The following CCDC167 variants were observed in gnomAD, a reference collection of about 807,000 sequenced individuals.
CCDC167 encodes coiled-coil domain-containing protein 167.
In CCDC167, 15 loss-of-function variants were observed where a neutral mutation model predicts 12.7. That is an observed-to-expected ratio of 1.18 (90% CI 0.79 to 1.81). CCDC167 has a LOEUF of 1.81. CCDC167 is among the 40% of genes most tolerant of loss of function. CCDC167 has a pLI of 0.00. For missense variants in CCDC167, 121 were observed against 120.1 expected, an observed-to-expected ratio of 1.01 and a Z score of -0.03; for synonymous variants, 52 against 49.0, an observed-to-expected ratio of 1.06 and a Z score of -0.26.
intron 1 of CCDC167, among the ~76,000 whole-genome samples, chr6:37,494,820 T>TTTTTTTTC (rs1762077506): frequency 6.7e-6 from 1 of 150,286 alleles, no homozygotes; most frequent in South Asian, 2.1e-4. Context: ...TTTTTTTTTT[T>TTTTTTTTC]TGAGACGGGG....
chr6:37,494,343 G>A lies in CCDC167; in HGVS notation c.42+5479C>T, dbSNP rs183556760. ...CTCCCAAAGTGTTGGGATTACAGGC[G>A]TGAGCCACCGCACCCAGCCGATCCT... On this transcript the variant is annotated intron_variant, in intron 1 of 3. Transcript: ENST00000373408. Among the ~76,000 whole-genome samples the A allele has an allele frequency of 3.4e-4, 52 of 152,272 alleles. 1 individual carries two copies. In the East Asian group the frequency reaches 6.0e-3, roughly 18 times the overall value.
intron 1 of CCDC167, among the ~76,000 whole-genome samples, chr6:37,494,282 C>T (rs890818323): frequency 2.0e-5 from 3 of 152,180 alleles, no homozygotes; most frequent in African/African-American, 7.2e-5. Context: ...AGGCTGGTCT[C>T]GAACTCGTGA....
At chr6:37,483,316 A>C (rs754397246) in intron 3 of CCDC167, 27 bp from the exon 4 acceptor site, 8 of 1,536,134 alleles carry the variant, frequency 5.2e-6, no homozygotes, top group Non-Finnish European at 7.2e-6. Flanking sequence ...TGATAGGGAT[A>C]GGACAGGCAG....
At chr6:37,489,073 TA>T (rs1252483108) in intron 1 of CCDC167, among the ~76,000 whole-genome samples, 1 of 151,974 alleles carries the variant, frequency 6.6e-6, no homozygotes, top group Non-Finnish European at 1.5e-5. Flanking sequence ...CTGTCTCTAC[TA>T]AAAATACAAA....
rs568093346 is a variant in CCDC167, at chr6:37,499,774, A to G, written c.42+48T>C. ...CCAGCCTATCCCTTATCCCGCGGCC[A>G]GGAGAAGGCAACTAACGAGGTGGCC... On this transcript the variant is annotated intron_variant, in intron 1 of 3. Coordinates refer to ENST00000373408, the MANE Select transcript of CCDC167 (RefSeq NM_138493.3). 150 of 1,594,308 alleles carry G rather than the reference A, an allele frequency of 9.4e-5. 1 individual carries two copies. In the South Asian group the frequency reaches 1.3e-3, roughly 14 times the overall value.
At chr6:37,499,111 T>C (rs1374614439) in intron 1 of CCDC167, among the ~76,000 whole-genome samples, 1 of 152,126 alleles carries the variant, frequency 6.6e-6, no homozygotes, top group Non-Finnish European at 1.5e-5. Context: ...ACTTCCACCA[T>C]CTCAGCCTGG....
intron 1 of CCDC167, among the ~76,000 whole-genome samples, chr6:37,489,253 C>A (rs958258944): frequency 5.0e-4 from 74 of 149,326 alleles, no homozygotes; most frequent in African/African-American, 1.5e-3. Flanking sequence ...AACAAACAAA[C>A]AAAAAAAAAC....
intron 1 of CCDC167, among the ~76,000 whole-genome samples, chr6:37,488,199 G>T (rs1234317331): frequency 1.3e-5 from 2 of 152,240 alleles, no homozygotes; most frequent in Non-Finnish European, 2.9e-5. Context: ...GACTCCAGGG[G>T]ACCTGGCTGC....
chr6:37,487,571 A>G (rs1309863822), intron 1 of CCDC167, among the ~76,000 whole-genome samples: 1 of 152,214 alleles, frequency 6.6e-6, no homozygotes, highest in Non-Finnish European at 1.5e-5. Context: ...TCCTTGAGCC[A>G]GGCCTTGGTT....
At chr6:37,498,961 A>T (rs1762131709) in intron 1 of CCDC167, among the ~76,000 whole-genome samples, 1 of 152,202 alleles carries the variant, frequency 6.6e-6, no homozygotes, top group Non-Finnish European at 1.5e-5. Flanking sequence ...AGAATCACTG[A>T]ACTCACTAGT....
intron 1 of CCDC167, among the ~76,000 whole-genome samples, chr6:37,489,887 C>T (rs879482): frequency 5.3e-5 from 8 of 152,240 alleles, no homozygotes; most frequent in African/African-American, 7.2e-5. Context: ...TGACTGTGAC[C>T]GGCAAAGTAG....
At chr6:37,498,543 C>T (rs540757791) in intron 1 of CCDC167, among the ~76,000 whole-genome samples, 7 of 151,928 alleles carry the variant, frequency 4.6e-5, no homozygotes, top group East Asian at 1.9e-4. Context: ...AGATTCTGGC[C>T]GGCTGTGGTG....
chr6:37,487,158 T>C (rs959345817), intron 1 of CCDC167, among the ~76,000 whole-genome samples: 20 of 152,204 alleles, frequency 1.3e-4, no homozygotes, highest in African/African-American at 4.3e-4. Flanking sequence ...GGTCTCTAAA[T>C]GGTGCCAACT....
At chr6:37,483,518 G>A (rs1720042356) in intron 3 of CCDC167, among the ~76,000 whole-genome samples, 1 of 152,216 alleles carries the variant, frequency 6.6e-6, no homozygotes, top group Admixed American at 6.5e-5. Context: ...GCTCAACTAT[G>A]GCTCTTTAAA....
chr6:37,485,650 T>G (rs919929375), intron 1 of CCDC167, among the ~76,000 whole-genome samples: 2 of 152,188 alleles, frequency 1.3e-5, no homozygotes, highest in African/African-American at 4.8e-5. Flanking sequence ...TTCCAAACAC[T>G]CCACACGTGT....
rs368185026 is a variant in CCDC167, at chr6:37,483,177, G to C, written c.*9C>G. 6 of 1,605,160 alleles carry C rather than the reference G, an allele frequency of 3.7e-6. No homozygotes were observed. The highest frequency in any genetic ancestry group is 1.7e-5 in the Admixed American group (1 of 60,014). ...GGAAGCCTGTGCTGGTTGTGGGGAAGTGCCAGGCTCACATGGTCCAGTAGG... is the reference window on the plus strand; with the variant it reads ...GGAAGCCTGTGCTGGTTGTGGGGAACTGCCAGGCTCACATGGTCCAGTAGG... On this transcript the variant is annotated 3_prime_UTR_variant, in exon 4 of 4. Transcript: ENST00000373408.
chr6:37,484,974 G>T, intron 2 of CCDC167, 112 bp from the exon 3 acceptor site: 3 of 1,453,858 alleles, frequency 2.1e-6, no homozygotes, highest in Non-Finnish European at 2.9e-6. Flanking sequence ...CAGGGGGGGT[G>T]TGCACTGAAG....
chr6:37,483,714 G>A (rs1006430462), intron 3 of CCDC167, among the ~76,000 whole-genome samples: 11 of 152,204 alleles, frequency 7.2e-5, no homozygotes, highest in African/African-American at 2.2e-4. Flanking sequence ...GCCTCCTTGG[G>A]CCTGACAGTG....
At chr6:37,489,065 G>A (rs1187949492) in intron 1 of CCDC167, among the ~76,000 whole-genome samples, 7 of 152,052 alleles carry the variant, frequency 4.6e-5, no homozygotes, top group Non-Finnish European at 1.0e-4. Context: ...GTGAAACTCT[G>A]TCTCTACTAA....
Sources: allele counts gnomAD v4.1 joint callset (sites outside exome capture counted in the v4.1 genomes callset), GRCh38; gene constraint gnomAD v4.1.1; transcripts MANE v1.5; gene names NCBI Gene and HGNC (gene_info 2026-07-23, HGNC 2026-07-21).